The following CSMD1 variants were observed in gnomAD, a reference collection of about 807,000 sequenced individuals.
CSMD1 encodes CUB and sushi domain-containing protein 1.
Under a neutral mutation model 417.5 loss-of-function variants are expected in CSMD1, and 213 were observed. The ratio of observed to expected loss-of-function variants is 0.51; its 90% CI spans 0.46 to 0.57. CSMD1 has a LOEUF of 0.57. Ranked by LOEUF, CSMD1 falls within the 20% of genes least tolerant of loss-of-function variation. The pLI is 0.00. For missense variants in CSMD1, 6,923 were observed against 4,529.7 expected (o/e 1.53, Z -15.17); for synonymous variants, 2,862 against 1,736.8 (o/e 1.65, Z -16.11).
At chr8:3,883,639 TATCA>T (rs1315736429) in intron 5 of CSMD1, among the ~76,000 whole-genome samples, 1 of 152,180 alleles carries the variant, frequency 6.6e-6, no homozygotes, top group Non-Finnish European at 1.5e-5. Flanking sequence ...TTAAAATTGA[TATCA>T]ATTACTGATA....
chr8:4,531,331 C>T (rs1330046063), intron 2 of CSMD1, among the ~76,000 whole-genome samples: 1 of 152,174 alleles, frequency 6.6e-6, no homozygotes, highest in Non-Finnish European at 1.5e-5. Context: ...GTCATTTAAT[C>T]ATAAGCTTCA....
At chr8:3,975,197 T>C (rs1408326531) in intron 5 of CSMD1, among the ~76,000 whole-genome samples, 2 of 152,180 alleles carry the variant, frequency 1.3e-5, no homozygotes, top group East Asian at 1.9e-4. Context: ...CCTGTTACGA[T>C]GTTATTGTTA....
chr8:3,672,127 A>G (rs1799102288), intron 7 of CSMD1, among the ~76,000 whole-genome samples: 1 of 152,182 alleles, frequency 6.6e-6, no homozygotes, highest in East Asian at 1.9e-4. Flanking sequence ...GGTGCTGTCT[A>G]CTTCCTCTTG....
At position 4,876,735 on chromosome 8, in the gene CSMD1, T is replaced by C. The variant is rs889878978; in HGVS notation, c.85+117597A>G. ...AGACAATATCATGACCTCTTTCTTG[T>C]GTGCTGAGTGTACCAGTTTACATCT... is the stretch of plus-strand genomic sequence containing the variant. On this transcript the variant is annotated intron_variant, in intron 1 of 69. Transcript: ENST00000635120. Among the ~76,000 whole-genome samples, 5 of 152,212 alleles carry C rather than the reference T, an allele frequency of 3.3e-5. No homozygotes were observed. In the East Asian group the frequency reaches 9.7e-4, roughly 29 times the overall value.
chr8:3,633,260 G>C (rs897918587), intron 7 of CSMD1, among the ~76,000 whole-genome samples: 1 of 152,152 alleles, frequency 6.6e-6, no homozygotes, highest in African/African-American at 2.4e-5. Flanking sequence ...CTCTGACACT[G>C]AGAAGTACCA....
Position 3,853,021 on chromosome 8 carries a change from C to A in CSMD1, c.819-98979G>T, listed in dbSNP as rs1452974299. Among the ~76,000 whole-genome samples, 4 of 152,148 alleles carry A rather than the reference C, an allele frequency of 2.6e-5. 1 individual carries two copies. Among genetic ancestry groups the A allele is most frequent in the African/African-American group, 9.6e-5 (4 of 41,454 alleles). Reference sequence around the variant, plus strand: ...TTGACATCACCTCGTCCCCAACATCCAACTACATCTCCCGTCCTCATGTCA... The same window carrying A: ...TTGACATCACCTCGTCCCCAACATCAAACTACATCTCCCGTCCTCATGTCA... On this transcript the variant is annotated intron_variant, in intron 5 of 69. Transcript: ENST00000635120.
At chr8:4,829,221 G>T (rs1049466242) in intron 1 of CSMD1, among the ~76,000 whole-genome samples, 1 of 152,104 alleles carries the variant, frequency 6.6e-6, no homozygotes, top group Non-Finnish European at 1.5e-5. Context: ...AAGTTGTTTA[G>T]ATGAGAATTT....
chr8:4,824,816 G>C (rs567083291), intron 1 of CSMD1, among the ~76,000 whole-genome samples: 13 of 152,196 alleles, frequency 8.5e-5, no homozygotes, highest in Admixed American at 6.6e-4. Context: ...GAAATGACCA[G>C]GTATATAGCC....
chr8:4,375,150 C>T (rs1235943934), intron 3 of CSMD1, among the ~76,000 whole-genome samples: 1 of 152,198 alleles, frequency 6.6e-6, no homozygotes, highest in East Asian at 1.9e-4. Context: ...GGTGAAAATA[C>T]AGTGTTAGGG....
Position 4,637,764 on chromosome 8 carries a change from G to A in CSMD1, c.86-206C>T, listed in dbSNP as rs541760982. ...CAGCTCACTGCAAGCTCCGCTTCCC[G>A]GGTTCACGCCATTCTCCTGCCTCAG... On this transcript the variant is annotated intron_variant, in intron 1 of 69. Coordinates refer to ENST00000635120, the MANE Select transcript of CSMD1 (RefSeq NM_033225.6). Among the ~76,000 whole-genome samples the A allele has an allele frequency of 3.2e-4, 47 of 146,646 alleles. No homozygotes were observed. In the South Asian group the frequency reaches 9.3e-3, roughly 29 times the overall value.
intron 4 of CSMD1, among the ~76,000 whole-genome samples, chr8:4,004,796 G>GT (rs1815976049): frequency 6.6e-6 from 1 of 152,080 alleles, no homozygotes. Flanking sequence ...CCAGGCTGGA[G>GT]TGCAGTGGCG....
intron 6 of CSMD1, among the ~76,000 whole-genome samples, chr8:3,719,185 A>C (rs554588642): frequency 6.6e-6 from 1 of 152,112 alleles, no homozygotes; most frequent in South Asian, 2.1e-4. Flanking sequence ...TTGCCACTAT[A>C]ATTTCCCAAA....
At chr8:3,316,435 C>G (rs1013899079) in intron 23 of CSMD1, among the ~76,000 whole-genome samples, 2 of 152,168 alleles carry the variant, frequency 1.3e-5, no homozygotes, top group East Asian at 1.9e-4. Context: ...GAAATAAATA[C>G]TTATAAAACA....
At chr8:3,176,695 T>C (rs955912966) in intron 37 of CSMD1, among the ~76,000 whole-genome samples, 8 of 152,142 alleles carry the variant, frequency 5.3e-5, no homozygotes, top group Non-Finnish European at 1.0e-4. Context: ...TATAAAATGA[T>C]AGCTTTTCTT....
intron 23 of CSMD1, among the ~76,000 whole-genome samples, chr8:3,312,006 C>T (rs1414508607): frequency 6.6e-6 from 1 of 152,070 alleles, no homozygotes; most frequent in Non-Finnish European, 1.5e-5. Context: ...CAAAAATAGG[C>T]TTATTTTAAA....
At chr8:4,791,838 C>G (rs535296175) in intron 1 of CSMD1, among the ~76,000 whole-genome samples, 6 of 152,182 alleles carry the variant, frequency 3.9e-5, no homozygotes, top group African/African-American at 1.4e-4. Flanking sequence ...AAAATTCCAA[C>G]AGATATACTT....
chr8:4,549,480 C>T (rs1472990536), intron 2 of CSMD1, among the ~76,000 whole-genome samples: 1 of 152,126 alleles, frequency 6.6e-6, no homozygotes, highest in South Asian at 2.1e-4. Context: ...CACTGATTCC[C>T]AGTCTTCCAA....
intron 26 of CSMD1, among the ~76,000 whole-genome samples, chr8:3,274,232 G>C (rs1204497253): frequency 6.6e-6 from 1 of 151,844 alleles, no homozygotes; most frequent in African/African-American, 2.4e-5. Flanking sequence ...ATGTAGTTGA[G>C]CGGTTTTGAG....
chr8:3,552,114 C>A (rs549135069), intron 10 of CSMD1, among the ~76,000 whole-genome samples: 1 of 152,280 alleles, frequency 6.6e-6, no homozygotes, highest in East Asian at 1.9e-4. Flanking sequence ...AAAAAATCTC[C>A]TTTACATGGA....
Sources: gnomAD v4.1 joint callset for allele counts (sites outside exome capture counted in the v4.1 genomes callset) on GRCh38, gnomAD v4.1.1 for gene constraint, MANE v1.5 for transcripts, NCBI Gene and HGNC (gene_info 2026-07-23, HGNC 2026-07-21) for gene names.